PPP2R3A: variants seen among roughly 807,000 people sequenced by gnomAD.
PPP2R3A encodes the protein serine/threonine-protein phosphatase 2A regulatory subunit B'' subunit alpha.
PPP2R3A carries 80 observed loss-of-function variants against 106.9 expected under a neutral mutation model. That is an observed-to-expected ratio of 0.75 (90% confidence interval 0.62 to 0.90). PPP2R3A has a LOEUF of 0.90. PPP2R3A is among the 40% of genes least tolerant of loss of function. PPP2R3A has a pLI of 0.00. For missense variants in PPP2R3A, 1,386 were observed against 1,350.4 expected, an observed-to-expected ratio of 1.03 and a Z score of -0.41; for synonymous variants, 483 against 468.3, an observed-to-expected ratio of 1.03 and a Z score of -0.41.
At position 136,002,507 on chromosome 3, in the gene PPP2R3A, G is replaced by A. The variant is rs375819969; in HGVS notation, c.1009G>A (p.Val337Ile). The change falls in exon 2 of 14, where the codon GTT (valine) becomes ATT (isoleucine). Residue 337 changes from valine (V) to isoleucine (I), a missense_variant. By Grantham distance (29) the Val-to-Ile change is conservative. Transcript: ENST00000264977. ...TGAACAACCCCCTAAATATGAAGAT[G>A]TTGTCCAGCTCTCAGCTTCTGACTC... ...GTEQPPKYED[V>I]VQLSASDSGR... 171 of 1,613,880 alleles carry A rather than the reference G, an allele frequency of 1.1e-4. No individual in the cohort carries two copies. The highest frequency in any genetic ancestry group is 1.4e-4 in the Non-Finnish European group (166 of 1,179,960).
intron 8 of PPP2R3A, among the ~76,000 whole-genome samples, chr3:136,085,470 G>A (rs1936903343): frequency 6.6e-6 from 1 of 152,058 alleles, no homozygotes; most frequent in African/African-American, 2.4e-5. Context: ...AATACAGATG[G>A]GGTTTCGCCT....
At position 136,081,285 on chromosome 3, in the gene PPP2R3A, C is replaced by T. The variant is rs1336251805; in HGVS notation, c.2632-980C>T. Among the ~76,000 whole-genome samples, 5 of 152,304 alleles carry T rather than the reference C, an allele frequency of 3.3e-5. No homozygotes were observed. In the East Asian group the frequency reaches 7.7e-4, roughly 24 times the overall value. The stretch of plus-strand genomic sequence containing the variant: ...GGATTACAGGCATGAGCAACCACAC[C>T]CAGCCCGCTTATGTTTTTCACCTTG... On this transcript the variant is annotated intron_variant, in intron 7 of 13. Coordinates refer to ENST00000264977, the MANE Select transcript of PPP2R3A (RefSeq NM_002718.5).
intron 13 of PPP2R3A, among the ~76,000 whole-genome samples, chr3:136,122,114 C>T (rs546849583): frequency 6.6e-6 from 1 of 152,144 alleles, no homozygotes; most frequent in African/African-American, 2.4e-5. Flanking sequence ...AATTTGTAGC[C>T]TGTATACTGA....
At chr3:135,985,370 C>A (rs1270087624) in intron 1 of PPP2R3A, among the ~76,000 whole-genome samples, 1 of 138,614 alleles carries the variant, frequency 7.2e-6, no homozygotes. Context: ...TTCCCTCTCT[C>A]CCTTCCTCTC....
intron 4 of PPP2R3A, among the ~76,000 whole-genome samples, chr3:136,042,999 G>A (rs1935338429): frequency 1.3e-5 from 2 of 151,678 alleles, no homozygotes; most frequent in Admixed American, 6.6e-5. Flanking sequence ...TTTGCATAAA[G>A]CAATGTGGGC....
chr3:136,002,439 T>C lies in PPP2R3A; in HGVS notation c.941T>C (p.Met314Thr). 1.2e-6 allele frequency: 2 copies of C among 1,613,836 alleles called. No individual in the cohort carries two copies. Among genetic ancestry groups the C allele is most frequent in the East Asian group, 2.2e-5 (1 of 44,876 alleles). The change falls in exon 2 of 14, where the codon ATG (methionine) becomes ACG (threonine). Residue 314 changes from methionine to threonine, a missense_variant. Physicochemically the swap from Met to Thr is moderately conservative, Grantham distance 81 (BLOSUM62 -1). Coordinates refer to ENST00000264977, the MANE Select transcript of PPP2R3A (RefSeq NM_002718.5). ...GATTTAACAGAACTGATCAGTAATA[T>C]GCCTAGCTTACAACTGACTCCCTTC... ...ALDLTELISNMPSLQLTPFSP... is the reference protein window; with the variant it reads ...ALDLTELISNTPSLQLTPFSP...
chr3:136,027,148 G>C, intron 3 of PPP2R3A, 50 bp downstream of exon 3: 1 of 1,509,906 alleles, frequency 6.6e-7, no homozygotes, highest in Non-Finnish European at 8.9e-7. Context: ...TAGAAACCCT[G>C]ATCCCCTCCC....
chr3:136,044,780 T>G (rs1287553656), intron 4 of PPP2R3A, among the ~76,000 whole-genome samples: 1 of 152,070 alleles, frequency 6.6e-6, no homozygotes, highest in Non-Finnish European at 1.5e-5. Context: ...GAACCCTGCA[T>G]GGGCTCTGAA....
At chr3:135,981,528 G>A (rs939001948) in intron 1 of PPP2R3A, among the ~76,000 whole-genome samples, 8 of 151,722 alleles carry the variant, frequency 5.3e-5, no homozygotes, top group African/African-American at 1.9e-4. Flanking sequence ...GGAAACAGAA[G>A]TGGTGGTATA....
At chr3:136,080,052 G>A (rs1235675313) in intron 7 of PPP2R3A, among the ~76,000 whole-genome samples, 1 of 152,060 alleles carries the variant, frequency 6.6e-6, no homozygotes, top group African/African-American at 2.4e-5. Context: ...ATCATCTGTG[G>A]TTTTATTCTC....
intron 1 of PPP2R3A, among the ~76,000 whole-genome samples, chr3:135,966,741 T>C (rs936483943): frequency 6.6e-6 from 1 of 152,176 alleles, no homozygotes; most frequent in African/African-American, 2.4e-5. Context: ...CCTGAAAACA[T>C]TAAATTCTTA....
intron 13 of PPP2R3A, among the ~76,000 whole-genome samples, chr3:136,120,295 A>C (rs1937945851): frequency 6.6e-6 from 1 of 152,194 alleles, no homozygotes; most frequent in South Asian, 2.1e-4. Flanking sequence ...ATTTTTTAAA[A>C]AAAAGCCTCT....
rs767948580 is a variant in PPP2R3A, at chr3:136,132,726, C to T, written c.3330-12317C>T. Reference sequence around the variant, plus strand: ...AACATAATCCCTATCAAAATCCCGGCAGACTTTTGGTGTAGAAATTAGTAA... The same window carrying T: ...AACATAATCCCTATCAAAATCCCGGTAGACTTTTGGTGTAGAAATTAGTAA... On this transcript the variant is annotated intron_variant, in intron 13 of 13. Transcript: ENST00000264977. 1.2e-3 allele frequency among the ~76,000 whole-genome samples: 189 copies of T among 151,786 alleles called. 1 individual carries two copies. The highest frequency in any genetic ancestry group is 3.8e-4 in the Non-Finnish European group (26 of 67,934).
chr3:136,105,870 G>A (rs548319531), intron 12 of PPP2R3A, among the ~76,000 whole-genome samples: 1 of 152,236 alleles, frequency 6.6e-6, no homozygotes, highest in East Asian at 1.9e-4. Context: ...TGAGGCAGGA[G>A]AATTGCTTGA....
rs759394178 is a variant in PPP2R3A at position 136,082,266 on chromosome 3, C to T, written c.2633C>T (p.Thr878Ile). ...ATTCTTCTTTTCATATAATTTCAGACCCTAGCACTTTTGGAAGAAGAGGAA... is the reference window on the plus strand; with the variant it reads ...ATTCTTCTTTTCATATAATTTCAGATCCTAGCACTTTTGGAAGAAGAGGAA... ...TEIRKSNFLQ[T>I]LALLEEEEDI... The change falls in exon 8 of 14, where the codon ACC becomes ATC. Residue 878 changes from threonine to isoleucine, a missense_variant and splice_region_variant. Thr to Ile is a moderately conservative substitution (Grantham distance 89, BLOSUM62 -1). Coordinates refer to ENST00000264977, the MANE Select transcript of PPP2R3A (RefSeq NM_002718.5). 1.3e-6 allele frequency: 2 copies of T among 1,578,664 alleles called. No individual in the cohort carries two copies. Among genetic ancestry groups the T allele is most frequent in the South Asian group, 2.2e-5 (2 of 90,228 alleles).
chr3:135,972,759 A>G (rs1463563592), intron 1 of PPP2R3A, among the ~76,000 whole-genome samples: 2 of 152,284 alleles, frequency 1.3e-5, no homozygotes, highest in East Asian at 3.9e-4. Context: ...CTTTGGAGAA[A>G]TGTCTGTTCA....
intron 2 of PPP2R3A, among the ~76,000 whole-genome samples, chr3:136,005,319 T>C (rs115555338): frequency 1.3e-5 from 2 of 152,174 alleles, no homozygotes; most frequent in Admixed American, 1.3e-4. Flanking sequence ...ATTCTAAATC[T>C]AAAACACTTC....
intron 10 of PPP2R3A, among the ~76,000 whole-genome samples, chr3:136,094,122 A>C (rs1440024616): frequency 2.0e-5 from 3 of 152,352 alleles, no homozygotes; most frequent in African/African-American, 7.2e-5. Context: ...ACAAGACACC[A>C]CATACTGTAT....
chr3:135,976,817 T>G (rs1937433509), intron 1 of PPP2R3A, among the ~76,000 whole-genome samples: 1 of 152,134 alleles, frequency 6.6e-6, no homozygotes, highest in Admixed American at 6.5e-5. Flanking sequence ...TTTTTAAAAT[T>G]TAGATATTTA....
Sources: gnomAD v4.1 joint callset for allele counts (sites outside exome capture counted in the v4.1 genomes callset) on GRCh38, gnomAD v4.1.1 for gene constraint, MANE v1.5 for transcripts, NCBI Gene and HGNC (gene_info 2026-07-23, HGNC 2026-07-21) for gene names.